Variants in SLC14A1 observed in about 807,000 individuals in gnomAD.
SLC14A1 encodes the protein solute carrier family 14 member 1 (Kidd blood group).
SLC14A1 carries 36 observed loss-of-function variants against 39.6 expected under a neutral mutation model. That is an observed-to-expected ratio of 0.91 (90% CI 0.70 to 1.20). The LOEUF is 1.20. SLC14A1 is among the 50% of genes most tolerant of loss of function. The pLI, the probability that SLC14A1 is intolerant of heterozygous loss-of-function variation, is 0.00. For missense variants in SLC14A1, 469 were observed against 478.7 expected (o/e 0.98, Z 0.19); for synonymous variants, 164 against 173.6 (o/e 0.94, Z 0.43).
intron 8 of SLC14A1, among the ~76,000 whole-genome samples, chr18:45,740,367 AAC>A (rs749729425): frequency 4.0e-4 from 61 of 152,292 alleles, no homozygotes; most frequent in Non-Finnish European, 6.2e-4. Context: ...GACTTGTTAA[AAC>A]ACAAATCGCT....
At chr18:45,729,359 C>G (rs1599250666) in intron 2 of SLC14A1, 1 of 152,198 alleles carries the variant, frequency 6.6e-6, no homozygotes, top group South Asian at 2.1e-4. Context: ...ACCATCAGCA[C>G]AATGAAATCA....
At chr18:45,738,010 G>A (rs28898879) in intron 6 of SLC14A1, among the ~76,000 whole-genome samples, 1 of 150,156 alleles carries the variant, frequency 6.7e-6, no homozygotes, top group African/African-American at 2.5e-5. Flanking sequence ...AACAAAAAAA[G>A]CATATGCCAT....
chr18:45,731,549 G>T (rs2047030516), intron 4 of SLC14A1: 2 of 352,782 alleles, frequency 5.7e-6, no homozygotes, highest in South Asian at 2.5e-5. Context: ...AAGTGCATAT[G>T]AATTCAGAAA....
Position 45,731,103 on chromosome 18 carries a change from G to A in SLC14A1, c.240G>A (p.Leu80=). ...TCAACAACCCCGTCAGTGGAATCCT[G>A]ATTCTGGTAGGACTTCTTGTTCAGA... ...VFVNNPVSGI[L]ILVGLLVQNP... is the part of the protein sequence containing the mutation. The change falls in exon 4 of 10, where the codon CTG becomes CTA. Residue 80 remains leucine, a synonymous_variant. Coordinates refer to ENST00000321925, the MANE Select transcript of SLC14A1 (RefSeq NM_015865.7). 6.2e-7 allele frequency: 1 copy of A among 1,614,176 alleles called. No homozygotes were observed. Among genetic ancestry groups the A allele is most frequent in the Non-Finnish European group, 8.5e-7 (1 of 1,180,016 alleles).
intron 8 of SLC14A1, among the ~76,000 whole-genome samples, chr18:45,746,957 G>C (rs1235219451): frequency 1.3e-5 from 2 of 152,212 alleles, no homozygotes; most frequent in African/African-American, 4.8e-5. Context: ...CCACTAGTGT[G>C]AGACAATTCA....
rs28898882 is a variant in SLC14A1, at chr18:45,738,605, T to C, written c.664-558T>C. On this transcript the variant is annotated intron_variant, in intron 6 of 9. Coordinates refer to ENST00000321925, the MANE Select transcript of SLC14A1 (RefSeq NM_015865.7). ...CATGTTCCACTTAATGACAGAAAAG[T>C]AAATTCACAAACTTGCTAAAAATTA... 6.7e-3 allele frequency among the ~76,000 whole-genome samples: 1,027 copies of C among 152,302 alleles called. 12 individuals are homozygous for C. The highest frequency in any genetic ancestry group is 0.02 in the Middle Eastern group (6 of 294).
At chr18:45,724,749 C>G (rs1161748262) in intron 1 of SLC14A1, 1 of 152,204 alleles carries the variant, frequency 6.6e-6, no homozygotes, top group Non-Finnish European at 1.5e-5. Flanking sequence ...TGTGTGCTGT[C>G]ATGCTGAAGG....
rs34628652 is a variant in SLC14A1 at position 45,742,353 on chromosome 18, G to GTTTTT, written c.946+2706_946+2710dup. Among the ~76,000 whole-genome samples, 14 of 118,048 alleles carry GTTTTT rather than the reference G, an allele frequency of 1.2e-4. 1 individual carries two copies. The highest frequency in any genetic ancestry group is 1.9e-4 in the Admixed American group (2 of 10,370). The allele number at this position is 118,048 out of a possible 152,430, so 77.4% of individuals were successfully genotyped here. A position where few individuals can be genotyped will look rare whatever the true frequency, so the allele number is the denominator to read the frequency against. ...GTTTTTTGTTGTTTTTTGTTTTTTG[G>GTTTTT]TTTTTTTTTTTTTTTTTTTGACAGA... On this transcript the variant is annotated intron_variant, in intron 8 of 9. Coordinates refer to ENST00000321925, the MANE Select transcript of SLC14A1 (RefSeq NM_015865.7).
At chr18:45,727,362 G>A (rs1194309798) in intron 2 of SLC14A1, 1 of 1,551,468 alleles carries the variant, frequency 6.4e-7, no homozygotes, top group Admixed American at 2.0e-5. Context: ...TGGTGACGCA[G>A]CGCGCAGAGG....
Position 45,751,419 on chromosome 18 carries a change from T to C in SLC14A1, c.*1468T>C. 2 of 984,674 alleles carry C rather than the reference T, an allele frequency of 2.0e-6. No homozygotes were observed. The highest frequency in any genetic ancestry group is 2.4e-6 in the Non-Finnish European group (2 of 829,826). The allele number at this position is 984,674 out of a possible 1,614,324, so 61.0% of individuals were successfully genotyped here. On this transcript the variant is annotated 3_prime_UTR_variant, in exon 10 of 10. Coordinates refer to ENST00000321925, the MANE Select transcript of SLC14A1 (RefSeq NM_015865.7). ...CAAAACAGGTAAGGATTCCCCTGTT[T>C]TCCTCTCTTTAATTTTAAAGTTATC... is the stretch of plus-strand genomic sequence containing the variant.
rs2046804559 is a variant in SLC14A1 at position 45,724,269 on chromosome 18, G to C, written c.-90G>C. On this transcript the variant is annotated 5_prime_UTR_variant, in exon 1 of 10. Transcript: ENST00000321925. ...TTCTGCTGCCAGGAAGCCAGCTAGA[G>C]TGGTGTAAGTACTCATCCTTATTTC... 1 of 152,268 alleles carries C rather than the reference G, an allele frequency of 6.6e-6. No individual in the cohort carries two copies. Among genetic ancestry groups the C allele is most frequent in the East Asian group, 1.9e-4 (1 of 5,200 alleles). 9.4% of individuals were successfully genotyped at this position (152,268 alleles called of 1,614,324 possible).
Position 45,752,304 on chromosome 18 carries a change from G to C in SLC14A1, c.*2353G>C. 3.3e-6 allele frequency: 3 copies of C among 904,790 alleles called. No homozygotes were observed. The highest frequency in any genetic ancestry group is 1.8e-5 in the African/African-American group (1 of 55,904). The allele number at this position is 904,790 out of a possible 1,614,324, so 56.0% of individuals were successfully genotyped here. A position where few individuals can be genotyped will look rare whatever the true frequency, so the allele number is the denominator to read the frequency against. ...TAAAATGGACCCGAGTCGATCTTCA[G>C]AACAGGGATCTACCATGCAGGAGCT... On this transcript the variant is annotated 3_prime_UTR_variant, in exon 10 of 10. Transcript: ENST00000321925.
In SLC14A1 at chr18:45,752,063, T is replaced by C. The variant is rs2047725771; in HGVS notation, c.*2112T>C. 1.0e-6 allele frequency: 1 copy of C among 985,302 alleles called. No homozygotes were observed. Among genetic ancestry groups the C allele is most frequent in the South Asian group, 4.7e-5 (1 of 21,292 alleles). The allele number at this position is 985,302 out of a possible 1,614,324, so 61.0% of individuals were successfully genotyped here. ...GCAAGCAAACATATCGTTCCAATTT[T>C]AAAACCCAGTGACCAAAGCCTTTGG... On this transcript the variant is annotated 3_prime_UTR_variant, in exon 10 of 10. Transcript: ENST00000321925.
chr18:45,744,820 C>T (rs2047497285), intron 8 of SLC14A1, among the ~76,000 whole-genome samples: 2 of 152,160 alleles, frequency 1.3e-5, no homozygotes, highest in South Asian at 4.1e-4. Flanking sequence ...TAACTCTTGA[C>T]TTTTTCTTAA....
At chr18:45,747,531 A>T (rs2047580169) in intron 8 of SLC14A1, among the ~76,000 whole-genome samples, 1 of 89,692 alleles carries the variant, frequency 1.1e-5, no homozygotes. Flanking sequence ...TACTAACAAT[A>T]CAAAAAAAAA....
intron 8 of SLC14A1, among the ~76,000 whole-genome samples, chr18:45,747,652 G>GC (rs1292094069): frequency 6.6e-6 from 1 of 152,040 alleles, no homozygotes; most frequent in Non-Finnish European, 1.5e-5. Context: ...CAGAGATCAC[G>GC]CCAGTGCCCT....
intron 8 of SLC14A1, among the ~76,000 whole-genome samples, chr18:45,746,367 C>T (rs1375993468): frequency 6.6e-6 from 1 of 152,166 alleles, no homozygotes; most frequent in Non-Finnish European, 1.5e-5. Context: ...CTTGGCGAGT[C>T]TTAATTGACA....
Position 45,751,357 on chromosome 18 carries a change from ACAAAC to A in SLC14A1, c.*1407_*1411del, listed in dbSNP as rs745730396. Reference sequence around the variant, plus strand: ...CTGTGTCTCTCAAAAAAAAAAAAAAACAAACAAAAACAAAAACAAAACAAAACAAA... The same window carrying A: ...CTGTGTCTCTCAAAAAAAAAAAAAAAAAAAACAAAAACAAAACAAAACAAA... On this transcript the variant is annotated 3_prime_UTR_variant, in exon 10 of 10. Coordinates refer to ENST00000321925, the MANE Select transcript of SLC14A1 (RefSeq NM_015865.7). 94 of 660,906 alleles carry A rather than the reference ACAAAC, an allele frequency of 1.4e-4. No homozygotes were observed. Among genetic ancestry groups the A allele is most frequent in the Middle Eastern group, 7.9e-4 (1 of 1,268 alleles). The allele number at this position is 660,906 out of a possible 1,614,324, so 40.9% of individuals were successfully genotyped here. A position where few individuals can be genotyped will look rare whatever the true frequency, so the allele number is the denominator to read the frequency against.
At chr18:45,742,438 C>A (rs1426235117) in intron 8 of SLC14A1, among the ~76,000 whole-genome samples, 1 of 143,822 alleles carries the variant, frequency 7.0e-6, no homozygotes, top group Non-Finnish European at 1.5e-5. Flanking sequence ...TGGCTCACTG[C>A]AACCTCCGAC....
Sources: allele counts gnomAD v4.1 joint callset (sites outside exome capture counted in the v4.1 genomes callset), GRCh38; gene constraint gnomAD v4.1.1; transcripts MANE v1.5; gene names NCBI Gene and HGNC (gene_info 2026-07-23, HGNC 2026-07-21).